The following ALG6 variants were observed in gnomAD, a reference collection of about 807,000 sequenced individuals.
ALG6 encodes ALG6 alpha-1,3-glucosyltransferase.
Under a neutral mutation model 66.6 loss-of-function variants are expected in ALG6, and 46 were observed. The ratio of observed to expected loss-of-function variants is 0.69; its 90% CI spans 0.55 to 0.88. The LOEUF is 0.88. Among genes scored for constraint, ALG6 ranks in the 40% least tolerant of loss-of-function variants. The pLI is 0.00. For synonymous variants in ALG6, 185 were observed against 203.7 expected, an observed-to-expected ratio of 0.91 and a Z score of 0.78; for missense variants, 505 against 586.8, an observed-to-expected ratio of 0.86 and a Z score of 1.44.
chr1:63,389,829 C>T (rs1394260850), intron 2 of ALG6, among the ~76,000 whole-genome samples: 1 of 152,202 alleles, frequency 6.6e-6, no homozygotes. Flanking sequence ...CTTGCAGGCT[C>T]ATAGAGGTAC....
intron 2 of ALG6, among the ~76,000 whole-genome samples, chr1:63,386,166 G>A (rs1648496613): frequency 6.6e-6 from 1 of 152,138 alleles, no homozygotes; most frequent in Non-Finnish European, 1.5e-5. Context: ...GGATTTATCT[G>A]TAGGGTTATG....
chr1:63,398,619 C>T (rs1041514890), intron 3 of ALG6, among the ~76,000 whole-genome samples: 1 of 151,890 alleles, frequency 6.6e-6, no homozygotes, highest in African/African-American at 2.4e-5. Flanking sequence ...ACTACAGGCG[C>T]CCACCACCAC....
chr1:63,368,052 A>G lies in ALG6; in HGVS notation c.-208+365A>G, dbSNP rs928479821. ...GTGTTGTGTCCACTGCGGTGGAAGG[A>G]CCTTTCAGACTAAAAGGAGCAAAGT... On this transcript the variant is annotated intron_variant, in intron 1 of 14. Coordinates refer to ENST00000263440, the MANE Select transcript of ALG6 (RefSeq NM_013339.4). 3.3e-5 allele frequency among the ~76,000 whole-genome samples: 5 copies of G among 151,788 alleles called. No individual in the cohort carries two copies. In the East Asian group the frequency reaches 9.7e-4, roughly 29 times the overall value.
intron 3 of ALG6, among the ~76,000 whole-genome samples, chr1:63,400,275 ATATATACGTATATATATATACG>A (rs1644452184): frequency 9.2e-5 from 2 of 21,816 alleles, no homozygotes; most frequent in African/African-American, 4.3e-4. Context: ...ATACGTATAT[ATATATACGTATATATATATACG>A]TATATATATG....
At chr1:63,431,643 GAACA>G (rs1644646151) in intron 14 of ALG6, among the ~76,000 whole-genome samples, 1 of 152,080 alleles carries the variant, frequency 6.6e-6, no homozygotes, top group African/African-American at 2.4e-5. Flanking sequence ...GTCTTCCAAT[GAACA>G]AACACAGGAT....
intron 10 of ALG6, 69 bp downstream of exon 10, chr1:63,414,215 A>C: frequency 8.4e-7 from 1 of 1,186,922 alleles, no homozygotes; most frequent in Non-Finnish European, 1.2e-6. Flanking sequence ...GTATTATTTC[A>C]TTTATTTGGC....
intron 10 of ALG6, among the ~76,000 whole-genome samples, chr1:63,415,344 C>T (rs1035654698): frequency 1.3e-5 from 2 of 152,306 alleles, no homozygotes; most frequent in South Asian, 2.1e-4. Context: ...TTTCCTCCCA[C>T]CCATTAGCCA....
At chr1:63,397,593 G>A (rs192391898) in intron 3 of ALG6, among the ~76,000 whole-genome samples, 16 of 152,276 alleles carry the variant, frequency 1.1e-4, no homozygotes, top group African/African-American at 2.6e-4. Context: ...ATATTGAACC[G>A]TCTGTTTCTG....
At chr1:63,383,713 T>C (rs996974400) in intron 2 of ALG6, among the ~76,000 whole-genome samples, 10 of 152,224 alleles carry the variant, frequency 6.6e-5, no homozygotes, top group Admixed American at 3.3e-4. Context: ...TTAAAAATGG[T>C]AAAATAAATT....
chr1:63,427,167 ATTTT>A (rs534868219), intron 12 of ALG6, among the ~76,000 whole-genome samples: 1 of 134,292 alleles, frequency 7.4e-6, no homozygotes, highest in Non-Finnish European at 1.6e-5. Flanking sequence ...TGTCCAGCTA[ATTTT>A]TTTTTTTTTT....
chr1:63,429,971 C>T (rs985462275), intron 14 of ALG6: 1 of 152,108 alleles, frequency 6.6e-6, no homozygotes, highest in African/African-American at 2.4e-5. Flanking sequence ...CAACCTCTGC[C>T]TCCTGGATTC....
At chr1:63,407,199 C>A in intron 7 of ALG6, 73 bp downstream of exon 7, 4 of 1,093,444 alleles carry the variant, frequency 3.7e-6, no homozygotes, top group South Asian at 1.2e-5. Flanking sequence ...ACATTGCTGT[C>A]ATCTAGTAAT....
At chr1:63,381,513 G>A (rs1001978828) in intron 2 of ALG6, among the ~76,000 whole-genome samples, 4 of 152,090 alleles carry the variant, frequency 2.6e-5, no homozygotes, top group African/African-American at 4.8e-5. Flanking sequence ...GCATGGTGGC[G>A]CATGCCTGTA....
chr1:63,371,134 C>A, intron 2 of ALG6, 75 bp downstream of exon 2: 2 of 991,498 alleles, frequency 2.0e-6, no homozygotes, highest in Non-Finnish European at 1.6e-6. Context: ...AAAAGTTTAC[C>A]ATTTTCTGAC....
chr1:63,402,129 AAT>A, intron 3 of ALG6, 123 bp from the exon 4 acceptor site: 5 of 719,916 alleles, frequency 6.9e-6, no homozygotes, highest in South Asian at 1.5e-5. Context: ...CTTAATTATT[AAT>A]AGCTTAATAA....
chr1:63,406,780 A>C (rs1644491578), intron 6 of ALG6, among the ~76,000 whole-genome samples: 1 of 152,068 alleles, frequency 6.6e-6, no homozygotes, highest in Non-Finnish European at 1.5e-5. Context: ...ATAGGTTAAC[A>C]TTAGATTGAC....
rs1557587622 is a variant in ALG6 at position 63,400,282 on chromosome 1, CGTAT to C, written c.168-1971_168-1968del. On this transcript the variant is annotated intron_variant, in intron 3 of 14. Coordinates refer to ENST00000263440, the MANE Select transcript of ALG6 (RefSeq NM_013339.4). ...ATATATATATACGTATATATATATA[CGTAT>C]ATATATATACGTATATATATGTATA... Among the ~76,000 whole-genome samples the C allele has an allele frequency of 1.2e-3, 15 of 12,602 alleles. 2 individuals carry two copies. The highest frequency in any genetic ancestry group is 3.3e-3 in the African/African-American group (8 of 2,444). 8.3% of individuals were successfully genotyped at this position (12,602 alleles called of 152,430 possible). A position where few individuals can be genotyped will look rare whatever the true frequency, so the allele number is the denominator to read the frequency against.
At chr1:63,399,678 A>G (rs1644435903) in intron 3 of ALG6, among the ~76,000 whole-genome samples, 1 of 151,632 alleles carries the variant, frequency 6.6e-6, no homozygotes, top group South Asian at 2.1e-4. Context: ...CAGGCTAAAA[A>G]TTTTTTTCTT....
chr1:63,403,112 A>G (rs1380658755), intron 4 of ALG6, among the ~76,000 whole-genome samples: 4 of 151,276 alleles, frequency 2.6e-5, no homozygotes, highest in African/African-American at 9.7e-5. Flanking sequence ...AAAAAAAAAA[A>G]AAAAAAAAGA....
Sources: allele counts gnomAD v4.1 joint callset (sites outside exome capture counted in the v4.1 genomes callset), GRCh38; gene constraint gnomAD v4.1.1; transcripts MANE v1.5; gene names NCBI Gene and HGNC (gene_info 2026-07-23, HGNC 2026-07-21).